WHAMM: variants seen among roughly 807,000 people sequenced by gnomAD.
WHAMM encodes the protein WASP homolog associated with actin, golgi membranes and microtubules.
In WHAMM, 67 loss-of-function variants were observed where a neutral mutation model predicts 76.5. That is an observed-to-expected ratio of 0.88 (90% CI 0.72 to 1.07). The LOEUF (loss-of-function observed/expected upper bound fraction) is 1.07. WHAMM is among the 50% of genes least tolerant of loss of function. The pLI, the probability that WHAMM is intolerant of heterozygous loss-of-function variation, is 0.00. For synonymous variants in WHAMM, 419 were observed against 422.1 expected (o/e 0.99, Z 0.09); for missense variants, 1,021 against 1,051.1 (o/e 0.97, Z 0.40).
chr15:82,823,283 G>A lies in WHAMM; in HGVS notation c.1454G>A (p.Arg485Lys). 6.7e-7 allele frequency: 1 copy of A among 1,501,072 alleles called. No homozygotes were observed. Among genetic ancestry groups the A allele is most frequent in the Non-Finnish European group, 8.9e-7 (1 of 1,118,812 alleles). 93.0% of individuals were successfully genotyped at this position (1,501,072 alleles called of 1,614,324 possible). The change falls in exon 6 of 10, where the codon AGA (arginine) becomes AAA (lysine). Residue 485 changes from arginine to lysine, a missense_variant. Coordinates refer to ENST00000286760, the MANE Select transcript of WHAMM (RefSeq NM_001080435.3). ...GCCAAAAGAGCCTCTCTCCGGAGTA[G>A]AAAGGTAGGTACGCTCAGAGCGGCT... ...ICAKRASLRS[R>K]KDQCKENHRF...
At chr15:82,828,451 GA>G (rs1457836548) in intron 8 of WHAMM, among the ~76,000 whole-genome samples, 21 of 152,192 alleles carry the variant, frequency 1.4e-4, no homozygotes, top group Non-Finnish European at 5.9e-5. Flanking sequence ...TGAATTGAAG[GA>G]GCTGCATGAA....
At position 82,810,488 on chromosome 15, in the gene WHAMM, G is replaced by A. The variant is rs1172924339; in HGVS notation, c.609+153G>A. The A allele has an allele frequency of 3.0e-6, 3 of 985,334 alleles. No homozygotes were observed. In the African/African-American group the frequency reaches 5.2e-5, roughly 17 times the overall value. 61.0% of individuals were successfully genotyped at this position (985,334 alleles called of 1,614,324 possible). On this transcript the variant is annotated intron_variant, in intron 1 of 9. Coordinates refer to ENST00000286760, the MANE Select transcript of WHAMM (RefSeq NM_001080435.3). ...CGGGCTCCCCAGTGCCGTCACCTGC[G>A]CGGGACCGCTGCGGGAAACCGGCGG...
At chr15:82,814,820 A>AG (rs2050692797) in intron 2 of WHAMM, among the ~76,000 whole-genome samples, 1 of 121,508 alleles carries the variant, frequency 8.2e-6, no homozygotes, top group Non-Finnish European at 1.6e-5. Context: ...CCCAGGCTGG[A>AG]GTGCAGTGGT....
Position 82,810,088 on chromosome 15 carries a change from G to A in WHAMM, c.362G>A (p.Gly121Asp), listed in dbSNP as rs2050600161. 9 of 1,253,870 alleles carry A rather than the reference G, an allele frequency of 7.2e-6. No homozygotes were observed. The highest frequency in any genetic ancestry group is 6.0e-6 in the Non-Finnish European group (6 of 1,000,132). 77.7% of individuals were successfully genotyped at this position (1,253,870 alleles called of 1,614,324 possible). A position where few individuals can be genotyped will look rare whatever the true frequency, so the allele number is the denominator to read the frequency against. The change falls in exon 1 of 10, where the codon GGT (glycine) becomes GAT (aspartate). Residue 121 changes from glycine (G) to aspartate (D), a missense_variant. This residue lies in a region of WHAMM where 501 missense variants were observed against 524.9 expected (regional missense o/e 0.95). Coordinates refer to ENST00000286760, the MANE Select transcript of WHAMM (RefSeq NM_001080435.3). ...GACGTGGGCGGCGGCGGGGCCTGGG[G>A]TCTGGGGCTCGGGCTGTGGGCGCTG... The part of the protein sequence containing the change: ...ELDVGGGGAW[G>D]LGLGLWALLW...
intron 1 of WHAMM, 82 bp downstream of exon 1, chr15:82,810,417 C>T: frequency 1.6e-6 from 2 of 1,226,674 alleles, no homozygotes; most frequent in Non-Finnish European, 1.0e-6. Flanking sequence ...CGCCGAGAGC[C>T]CTGGCTGACG....
Position 82,809,931 on chromosome 15 carries a change from C to G in WHAMM, c.205C>G (p.Pro69Ala), listed in dbSNP as rs1194072050. The change falls in exon 1 of 10, where the codon CCT (proline) becomes GCT (alanine). Residue 69 changes from proline (P) to alanine (A), a missense_variant. By Grantham distance (27) the Pro-to-Ala change is conservative. Transcript: ENST00000286760. Reference sequence around the variant, plus strand: ...GTTGGGGCCCGAGCCCGAGCCCAAGCCTGAGGCCGCCGTCTCCCCGTCCAG... The same window carrying G: ...GTTGGGGCCCGAGCCCGAGCCCAAGGCTGAGGCCGCCGTCTCCCCGTCCAG... ...ARLGPEPEPK[P>A]EAAVSPSSWA... is the part of the protein sequence containing the mutation. 2.8e-6 allele frequency: 4 copies of G among 1,445,552 alleles called. No homozygotes were observed. Among genetic ancestry groups the G allele is most frequent in the African/African-American group, 1.5e-5 (1 of 68,330 alleles). The allele number at this position is 1,445,552 out of a possible 1,614,324, so 89.5% of individuals were successfully genotyped here. A position where few individuals can be genotyped will look rare whatever the true frequency, so the allele number is the denominator to read the frequency against.
intron 4 of WHAMM, among the ~76,000 whole-genome samples, chr15:82,818,817 G>A (rs142962450): frequency 7.8e-4 from 119 of 152,348 alleles, no homozygotes; most frequent in African/African-American, 2.7e-3. Flanking sequence ...GGTGCCTGCA[G>A]ATTCACTGTC....
chr15:82,833,359 CAAACTGAAG>C lies in WHAMM; in HGVS notation c.2257_2265del (p.Leu753_Lys755del), dbSNP rs1455902179. On this transcript the variant is annotated inframe_deletion, in exon 10 of 10. Transcript: ENST00000286760. ...TTCTGGCTGCCATAAGGCAAGGGGTCAAACTGAAGAAAGTTCACCCTGATCTTGGCCCAA... is the reference window on the plus strand; with the variant it reads ...TTCTGGCTGCCATAAGGCAAGGGGTCAAAGTTCACCCTGATCTTGGCCCAA... 6.2e-7 allele frequency: 1 copy of C among 1,613,902 alleles called. No homozygotes were observed. The highest frequency in any genetic ancestry group is 8.5e-7 in the Non-Finnish European group (1 of 1,179,896).
At chr15:82,830,528 T>G in intron 8 of WHAMM, 71 bp from the exon 9 acceptor site, 1 of 1,552,302 alleles carries the variant, frequency 6.4e-7, no homozygotes, top group Non-Finnish European at 8.7e-7. Flanking sequence ...GTTTATAGAT[T>G]TCTAGAAAGT....
intron 5 of WHAMM, among the ~76,000 whole-genome samples, chr15:82,821,035 T>G (rs544560672): frequency 6.6e-6 from 1 of 152,340 alleles, no homozygotes; most frequent in South Asian, 2.1e-4. Flanking sequence ...AATTTTCATT[T>G]ATTTAATTAT....
At chr15:82,820,783 T>C (rs1308800644) in intron 5 of WHAMM, among the ~76,000 whole-genome samples, 1 of 151,382 alleles carries the variant, frequency 6.6e-6, no homozygotes, top group African/African-American at 2.4e-5. Context: ...TAATCCCAGC[T>C]ACCTGTGAGG....
In WHAMM at chr15:82,833,862, C is replaced by T. The variant is rs1338557771; in HGVS notation, c.*326C>T. On this transcript the variant is annotated 3_prime_UTR_variant, in exon 10 of 10. Transcript: ENST00000286760. The stretch of plus-strand genomic sequence containing the variant: ...TCACGCCATTCTCCTGCCTCAGCCT[C>T]CCGAGTAGCTGGGACTACAGGCGCC... The T allele has an allele frequency of 8.2e-6, 2 of 244,710 alleles. No homozygotes were observed. The highest frequency in any genetic ancestry group is 1.6e-5 in the Non-Finnish European group (2 of 124,260). 15.2% of individuals were successfully genotyped at this position (244,710 alleles called of 1,614,324 possible). A position where few individuals can be genotyped will look rare whatever the true frequency, so the allele number is the denominator to read the frequency against.
chr15:82,822,805 G>A (rs970815296), intron 5 of WHAMM, among the ~76,000 whole-genome samples: 1 of 143,902 alleles, frequency 6.9e-6, no homozygotes, highest in Non-Finnish European at 1.5e-5. Context: ...AGCTATGTAA[G>A]TAGTATGTGT....
intron 8 of WHAMM, among the ~76,000 whole-genome samples, 186 bp downstream of exon 8, chr15:82,827,032 A>G (rs1225677508): frequency 2.0e-5 from 3 of 152,242 alleles, no homozygotes; most frequent in Admixed American, 1.3e-4. Context: ...TTCAAAACCC[A>G]TGATACAAAA....
Position 82,830,679 on chromosome 15 carries a change from G to T in WHAMM, c.1722G>T (p.Gln574His), listed in dbSNP as rs950758328. ...ACCTGCCAAGTGATCTTTCCCAGCA[G>T]ATGTGCTTGCCAGCTTCCCACGCGG... Reference protein sequence around the residue: ...APNLPSDLSQQMCLPASHAVS... With the variant: ...APNLPSDLSQHMCLPASHAVS... The change falls in exon 9 of 10, where the codon CAG becomes CAT. Residue 574 changes from glutamine to histidine, a missense_variant. Transcript: ENST00000286760. The T allele has an allele frequency of 5.6e-6, 9 of 1,613,882 alleles. No homozygotes were observed. Among genetic ancestry groups the T allele is most frequent in the African/African-American group, 5.3e-5 (4 of 74,928 alleles).
Position 82,816,781 on chromosome 15 carries a change from T to C in WHAMM, c.873T>C (p.Ala291=), listed in dbSNP as rs578037759. ...AEEWTRRAEE[A]VVSIQDITVN... ...AATGGACCAGACGGGCTGAAGAAGC[T>C]GTCGTCTCTATTCAGGATATCACAG... The change falls in exon 3 of 10, where the codon GCT becomes GCC. Residue 291 remains alanine (A), a synonymous_variant. Coordinates refer to ENST00000286760, the MANE Select transcript of WHAMM (RefSeq NM_001080435.3). The C allele has an allele frequency of 1.3e-6, 2 of 1,563,016 alleles. No individual in the cohort carries two copies. Among genetic ancestry groups the C allele is most frequent in the African/African-American group, 1.4e-5 (1 of 73,830 alleles).
Position 82,832,806 on chromosome 15 carries a change from T to G in WHAMM, c.2123-423T>G, listed in dbSNP as rs141610155. ...GCAGGATAAATTTTTTTTAAAAGAT[T>G]TCTTTTAGCTGGACAGGGTAATGAA... On this transcript the variant is annotated intron_variant, in intron 9 of 9. Coordinates refer to ENST00000286760, the MANE Select transcript of WHAMM (RefSeq NM_001080435.3). Among the ~76,000 whole-genome samples, 307 of 152,314 alleles carry G rather than the reference T, an allele frequency of 2.0e-3. 1 individual carries two copies. Among genetic ancestry groups the G allele is most frequent in the African/African-American group, 7.0e-3 (291 of 41,564 alleles).
rs1227858211 is a variant in WHAMM, at chr15:82,809,936, G to A, written c.210G>A (p.Glu70=). ...RLGPEPEPKP[E]AAVSPSSWAG... is the part of the protein sequence containing the mutation. ...GGCCCGAGCCCGAGCCCAAGCCTGA[G>A]GCCGCCGTCTCCCCGTCCAGCTGGG... Residue 70 remains glutamate, a synonymous_variant, in exon 1 of 10, where the codon GAG becomes GAA. Coordinates refer to ENST00000286760, the MANE Select transcript of WHAMM (RefSeq NM_001080435.3). 7 of 1,438,606 alleles carry A rather than the reference G, an allele frequency of 4.9e-6. No homozygotes were observed. The highest frequency in any genetic ancestry group is 4.9e-5 in the Admixed American group (2 of 40,614). 89.1% of individuals were successfully genotyped at this position (1,438,606 alleles called of 1,614,324 possible).
intron 1 of WHAMM, 125 bp downstream of exon 1, chr15:82,810,460 C>T: frequency 8.2e-7 from 1 of 1,222,544 alleles, no homozygotes; most frequent in Non-Finnish European, 1.0e-6. Context: ...GCGGAGAAGG[C>T]CGCGGGCTCC....
Sources: gnomAD v4.1 joint callset for allele counts (sites outside exome capture counted in the v4.1 genomes callset) on GRCh38, gnomAD v4.1.1 for gene constraint, gnomAD v4.1.1 regional missense constraint, MANE v1.5 for transcripts, NCBI Gene and HGNC (gene_info 2026-07-23, HGNC 2026-07-21) for gene names.